Variants in MYO3B observed in about 807,000 individuals in gnomAD.
The protein encoded by MYO3B is myosin IIIB.
Under a neutral mutation model 174.6 loss-of-function variants are expected in MYO3B, and 156 were observed. The observed-to-expected ratio is 0.89, with a 90% CI of 0.78 to 1.02. MYO3B has a LOEUF of 1.02. Ranked by LOEUF, MYO3B falls within the 50% of genes least tolerant of loss-of-function variation. MYO3B has a pLI of 0.00. For synonymous variants in MYO3B, 563 were observed against 569.1 expected (o/e 0.99, Z 0.15); for missense variants, 1,632 against 1,639.4 (o/e 1.00, Z 0.08).
chr2:170,402,842 A>G lies in MYO3B; in HGVS notation c.2130-6A>G, dbSNP rs1388550826. On this transcript the variant is annotated splice_region_variant and splice_polypyrimidine_tract_variant and intron_variant, in intron 18 of 34. Coordinates refer to ENST00000408978, the MANE Select transcript of MYO3B (RefSeq NM_138995.5). ...CTAAAGAGTTTTGTTCTTCTCTCTC[A>G]TGCAGTAGTGCAGGAGGTGGAATGA... The G allele has an allele frequency of 4.4e-6, 7 of 1,600,864 alleles. No individual in the cohort carries two copies. The highest frequency in any genetic ancestry group is 1.3e-5 in the African/African-American group (1 of 74,804).
At chr2:170,330,594 T>C (rs1286606037) in intron 7 of MYO3B, among the ~76,000 whole-genome samples, 3 of 152,204 alleles carry the variant, frequency 2.0e-5, no homozygotes, top group Non-Finnish European at 4.4e-5. Flanking sequence ...ACTCAACATA[T>C]GATGGTTATT....
intron 22 of MYO3B, among the ~76,000 whole-genome samples, chr2:170,414,421 T>C (rs190377352): frequency 6.6e-6 from 1 of 152,280 alleles, no homozygotes; most frequent in Non-Finnish European, 1.5e-5. Flanking sequence ...ACTCCTGACC[T>C]CATGATCCAC....
At chr2:170,552,491 G>T (rs983767508) in intron 32 of MYO3B, among the ~76,000 whole-genome samples, 2 of 152,184 alleles carry the variant, frequency 1.3e-5, no homozygotes, top group Non-Finnish European at 2.9e-5. Flanking sequence ...ATATCTGGTA[G>T]AAGAAATTTC....
intron 17 of MYO3B, among the ~76,000 whole-genome samples, chr2:170,401,275 A>G (rs531826881): frequency 6.6e-6 from 1 of 152,048 alleles, no homozygotes; most frequent in Admixed American, 6.5e-5. Flanking sequence ...TTCATCAAGC[A>G]TCTATGAAGT....
At chr2:170,337,420 C>G (rs1337214056) in intron 8 of MYO3B, among the ~76,000 whole-genome samples, 1 of 152,158 alleles carries the variant, frequency 6.6e-6, no homozygotes, top group Non-Finnish European at 1.5e-5. Context: ...CTTCCCATAC[C>G]AAACTCTCCT....
At chr2:170,502,930 A>G (rs74870192) in intron 28 of MYO3B, among the ~76,000 whole-genome samples, 3,222 of 152,306 alleles carry the variant, frequency 0.021, 83 homozygotes, top group East Asian at 0.093. Context: ...GGGCGGAAAG[A>G]GTGCTATTAA....
intron 25 of MYO3B, among the ~76,000 whole-genome samples, chr2:170,491,402 G>T (rs921652771): frequency 1.2e-4 from 18 of 152,100 alleles, no homozygotes; most frequent in Admixed American, 2.0e-4. Context: ...ACATACTTGT[G>T]TGACTTGAGT....
chr2:170,558,483 T>A (rs76838141), intron 32 of MYO3B, among the ~76,000 whole-genome samples: 1 of 152,150 alleles, frequency 6.6e-6, no homozygotes, highest in South Asian at 2.1e-4. Context: ...CCTAAATATG[T>A]GTCTCTAAAT....
chr2:170,307,300 C>A (rs530261787), intron 7 of MYO3B, among the ~76,000 whole-genome samples: 1 of 147,526 alleles, frequency 6.8e-6, no homozygotes, highest in South Asian at 2.2e-4. Context: ...TTAGGTTGCT[C>A]ATAATATTAT....
At chr2:170,351,988 C>T (rs1044016937) in intron 8 of MYO3B, among the ~76,000 whole-genome samples, 2 of 152,090 alleles carry the variant, frequency 1.3e-5, no homozygotes, top group Admixed American at 1.3e-4. Context: ...AGTCTCGCTC[C>T]GTCGCCCAGG....
chr2:170,465,774 A>G (rs1014833960), intron 24 of MYO3B, among the ~76,000 whole-genome samples: 3 of 152,124 alleles, frequency 2.0e-5, no homozygotes, highest in South Asian at 2.1e-4. Context: ...GGTAACACCA[A>G]TTTTGATCTG....
At chr2:170,506,216 A>G (rs979957564) in intron 28 of MYO3B, among the ~76,000 whole-genome samples, 2 of 152,238 alleles carry the variant, frequency 1.3e-5, no homozygotes, top group African/African-American at 4.8e-5. Context: ...CTGCTACCAG[A>G]AGAGAAAGCA....
intron 3 of MYO3B, among the ~76,000 whole-genome samples, chr2:170,210,578 T>G (rs7572097): frequency 2.6e-5 from 4 of 152,288 alleles, no homozygotes; most frequent in South Asian, 2.1e-4. Context: ...GGTTAATTCC[T>G]TATGTCCCCA....
intron 1 of MYO3B, among the ~76,000 whole-genome samples, chr2:170,186,633 C>T (rs1593239): frequency 0.42 from 64,576 of 151,968 alleles, 15,067 homozygotes; most frequent in East Asian, 0.56. Flanking sequence ...AATACCGGCC[C>T]CATAAAATGA....
chr2:170,597,952 A>T (rs1694256365), intron 32 of MYO3B, among the ~76,000 whole-genome samples: 1 of 152,208 alleles, frequency 6.6e-6, no homozygotes. Context: ...CTATTTCTCA[A>T]CATAGCACCT....
intron 7 of MYO3B, among the ~76,000 whole-genome samples, chr2:170,308,329 A>C (rs1055454634): frequency 6.6e-6 from 1 of 152,216 alleles, no homozygotes; most frequent in Non-Finnish European, 1.5e-5. Flanking sequence ...AAATCAAAGA[A>C]ATGATTGCTT....
intron 22 of MYO3B, among the ~76,000 whole-genome samples, chr2:170,425,961 T>G (rs1044332368): frequency 3.9e-5 from 6 of 152,190 alleles, no homozygotes; most frequent in Non-Finnish European, 8.8e-5. Flanking sequence ...TGTACAACAT[T>G]GTAAACCCTC....
At chr2:170,224,617 G>T (rs961997348) in intron 6 of MYO3B, among the ~76,000 whole-genome samples, 1 of 151,998 alleles carries the variant, frequency 6.6e-6, no homozygotes. Flanking sequence ...ATTCCGCCAT[G>T]CATTAAGGAT....
chr2:170,400,082 G>A, intron 16 of MYO3B, 106 bp from the exon 17 acceptor site: 1 of 1,438,700 alleles, frequency 7.0e-7, no homozygotes, highest in South Asian at 1.3e-5. Context: ...AGGAAAAGAG[G>A]GAGAATGGAC....
Sources: allele counts gnomAD v4.1 joint callset (sites outside exome capture counted in the v4.1 genomes callset), GRCh38; gene constraint gnomAD v4.1.1; transcripts MANE v1.5; gene names NCBI Gene and HGNC (gene_info 2026-07-23, HGNC 2026-07-21).